The following CELF4 variants were observed in gnomAD, a reference collection of about 807,000 sequenced individuals.
CELF4 encodes CUGBP Elav-like family member 4.
A neutral mutation model predicts 59.9 loss-of-function variants in CELF4; 18 were observed. The ratio of observed to expected loss-of-function variants is 0.30; its 90% confidence interval spans 0.21 to 0.45. The LOEUF (loss-of-function observed/expected upper bound fraction) is 0.45. Ranked by LOEUF, CELF4 falls within the 20% of genes least tolerant of loss-of-function variation. CELF4 has a pLI of 1.00. For missense variants in CELF4, 456 were observed against 689.0 expected (o/e 0.66, Z 3.79); for synonymous variants, 261 against 267.1 (o/e 0.98, Z 0.22).
chr18:37,508,824 C>T (rs1400361501), intron 1 of CELF4, among the ~76,000 whole-genome samples: 1 of 152,202 alleles, frequency 6.6e-6, no homozygotes, highest in Non-Finnish European at 1.5e-5. Context: ...CCCTCTGAGC[C>T]AAGCCAGTTT....
At chr18:37,282,311 C>A (rs935513271) in intron 3 of CELF4, among the ~76,000 whole-genome samples, 1 of 152,106 alleles carries the variant, frequency 6.6e-6, no homozygotes, top group African/African-American at 2.4e-5. Flanking sequence ...ATTTTGAGAA[C>A]CACTGAGATG....
intron 1 of CELF4, among the ~76,000 whole-genome samples, chr18:37,496,088 T>C (rs1366673768): frequency 1.3e-5 from 2 of 152,178 alleles, no homozygotes; most frequent in Non-Finnish European, 2.9e-5. Context: ...TTCCCCACTC[T>C]TGGGCCCTCC....
intron 1 of CELF4, among the ~76,000 whole-genome samples, chr18:37,519,315 T>G (rs569643428): frequency 1.4e-4 from 22 of 152,232 alleles, no homozygotes; most frequent in Non-Finnish European, 2.9e-4. Context: ...GGTACTGCTC[T>G]TCTGGACTGA....
intron 10 of CELF4, 148 bp from the exon 11 acceptor site, chr18:37,259,412 C>T (rs912972552): frequency 4.8e-5 from 29 of 610,308 alleles, no homozygotes; most frequent in Middle Eastern, 4.3e-4. Context: ...GATCCAAGGG[C>T]GCCCCAGAAG....
rs765262784 is a variant in CELF4, at chr18:37,274,416, G to A, written c.696C>T (p.Thr232=). The change falls in exon 6 of 13, where the codon ACC becomes ACT. Residue 232 remains threonine, a synonymous_variant. Coordinates refer to ENST00000420428, the MANE Select transcript of CELF4 (RefSeq NM_020180.4). ...SSSLVVKFAD[T]DKERTMRRMQ... ...TTCGCCGCATCGTGCGCTCCTTGTC[G>A]GTGTCGGCGAACTTGACCACCAGAC... is the stretch of plus-strand genomic sequence containing the variant. 8.1e-6 allele frequency: 13 copies of A among 1,613,384 alleles called. No individual in the cohort carries two copies. In the South Asian group the frequency reaches 1.4e-4, roughly 18 times the overall value.
At chr18:37,534,420 C>A (rs2099971904) in intron 1 of CELF4, among the ~76,000 whole-genome samples, 1 of 152,166 alleles carries the variant, frequency 6.6e-6, no homozygotes, top group South Asian at 2.1e-4. Context: ...CCACCGGCAC[C>A]ACTGCACTAG....
intron 2 of CELF4, among the ~76,000 whole-genome samples, chr18:37,434,646 G>A (rs2099683634): frequency 1.3e-5 from 2 of 152,148 alleles, no homozygotes; most frequent in African/African-American, 4.8e-5. Flanking sequence ...CCAGGAACCA[G>A]GGCCTTTCGG....
intron 2 of CELF4, among the ~76,000 whole-genome samples, chr18:37,436,399 C>A (rs894709967): frequency 3.9e-5 from 6 of 152,188 alleles, no homozygotes; most frequent in African/African-American, 1.4e-4. Flanking sequence ...AGTGTCTTAT[C>A]CTCTAGAGAC....
chr18:37,560,029 C>A (rs2099986069), intron 1 of CELF4, among the ~76,000 whole-genome samples: 1 of 152,134 alleles, frequency 6.6e-6, no homozygotes, highest in African/African-American at 2.4e-5. Context: ...GTTTGAGAGG[C>A]CACAAACATC....
At chr18:37,250,099 A>T (rs2064557686) in intron 12 of CELF4, among the ~76,000 whole-genome samples, 1 of 152,080 alleles carries the variant, frequency 6.6e-6, no homozygotes, top group Non-Finnish European at 1.5e-5. Flanking sequence ...CTCAGAGGCC[A>T]ATCTCTGAGC....
intron 12 of CELF4, among the ~76,000 whole-genome samples, chr18:37,251,825 T>C (rs1047039010): frequency 6.6e-6 from 1 of 152,038 alleles, no homozygotes; most frequent in African/African-American, 2.4e-5. Context: ...CATCCTTGCA[T>C]CCCCCACACT....
chr18:37,465,918 G>A (rs1394936887), intron 2 of CELF4, among the ~76,000 whole-genome samples: 1 of 152,158 alleles, frequency 6.6e-6, no homozygotes, highest in Non-Finnish European at 1.5e-5. Context: ...GCAGAATCAT[G>A]GGAGCCCAGA....
intron 1 of CELF4, among the ~76,000 whole-genome samples, chr18:37,512,292 G>A (rs762868102): frequency 3.3e-5 from 5 of 152,204 alleles, no homozygotes; most frequent in Admixed American, 6.5e-5. Context: ...TGATGGGGCC[G>A]TGTCGGCCAC....
chr18:37,310,013 C>T (rs1201418779), intron 3 of CELF4, among the ~76,000 whole-genome samples: 5 of 151,640 alleles, frequency 3.3e-5, no homozygotes, highest in Admixed American at 2.0e-4. Flanking sequence ...TTTCTATTTG[C>T]ACTTGTCAAT....
intron 1 of CELF4, among the ~76,000 whole-genome samples, chr18:37,523,203 G>A (rs1239130875): frequency 6.6e-6 from 1 of 152,106 alleles, no homozygotes; most frequent in Non-Finnish European, 1.5e-5. Flanking sequence ...AACAGACAGC[G>A]GGACCACATG....
intron 2 of CELF4, among the ~76,000 whole-genome samples, chr18:37,361,799 G>T (rs1276792560): frequency 1.3e-5 from 2 of 151,464 alleles, no homozygotes; most frequent in African/African-American, 4.8e-5. Flanking sequence ...TGCCCAGCCG[G>T]GGGAGCAACC....
At chr18:37,360,836 T>C (rs1181338911) in intron 2 of CELF4, among the ~76,000 whole-genome samples, 1 of 152,260 alleles carries the variant, frequency 6.6e-6, no homozygotes, top group Non-Finnish European at 1.5e-5. Context: ...ATCTCAGTTC[T>C]AATGCGTGGA....
chr18:37,486,247 G>A (rs2099881141), intron 1 of CELF4, among the ~76,000 whole-genome samples: 2 of 152,052 alleles, frequency 1.3e-5, no homozygotes. Flanking sequence ...CCAGGCCACC[G>A]ACTTACAGCA....
chr18:37,340,410 G>A (rs904542515), intron 2 of CELF4, among the ~76,000 whole-genome samples: 1 of 152,222 alleles, frequency 6.6e-6, no homozygotes, highest in South Asian at 2.1e-4. Context: ...TCCTGGGCTG[G>A]GTCTTAATAC....
Sources: allele counts gnomAD v4.1 joint callset (sites outside exome capture counted in the v4.1 genomes callset), GRCh38; gene constraint gnomAD v4.1.1; transcripts MANE v1.5; gene names NCBI Gene and HGNC (gene_info 2026-07-23, HGNC 2026-07-21).